NADK2: variants seen among roughly 807,000 people sequenced by gnomAD.
NADK2 encodes the protein NAD kinase 2, mitochondrial, also known as NAD kinase domain-containing protein 1, mitochondrial.
A neutral mutation model predicts 62.1 loss-of-function variants in NADK2; 35 were observed. The observed-to-expected ratio is 0.56, with a 90% confidence interval of 0.43 to 0.75. The LOEUF is 0.75. Ranked by LOEUF, NADK2 falls within the 30% of genes least tolerant of loss-of-function variation. NADK2 has a pLI of 0.00. For missense variants in NADK2, 439 were observed against 561.3 expected, an observed-to-expected ratio of 0.78 and a Z score of 2.20; for synonymous variants, 205 against 207.9, an observed-to-expected ratio of 0.99 and a Z score of 0.12.
rs530447755 is a variant in NADK2 at position 36,210,579 on chromosome 5, G to A, written c.860+1265C>T. On this transcript the variant is annotated intron_variant, in intron 7 of 11. Coordinates refer to ENST00000381937, the MANE Select transcript of NADK2 (RefSeq NM_001085411.3). ...AAAATCATACAAATTTAAAATAAGG[G>A]ATATTCTGCAATCCAACTGGCTTAG... Among the ~76,000 whole-genome samples the A allele has an allele frequency of 2.6e-5, 4 of 152,188 alleles. No homozygotes were observed. In the South Asian group the frequency reaches 8.3e-4, roughly 32 times the overall value.
chr5:36,208,978 AGG>A lies in NADK2; in HGVS notation c.861-1715_861-1714del, dbSNP rs199537276. ...TAATAAATACAACCACCTTTCTCAC[AGG>A]CTTGCTATGAGCATTAAATGAGATA... is the stretch of plus-strand genomic sequence containing the variant. On this transcript the variant is annotated intron_variant, in intron 7 of 11. Transcript: ENST00000381937. 8.6e-3 allele frequency among the ~76,000 whole-genome samples: 1,305 copies of A among 152,240 alleles called. 11 individuals are homozygous for A. The highest frequency in any genetic ancestry group is 0.012 in the Non-Finnish European group (805 of 67,988).
chr5:36,227,561 GC>G lies in NADK2; in HGVS notation c.304del (p.Ala102HisfsTer2). On this transcript the variant is annotated frameshift_variant, in exon 2 of 12. Coordinates refer to ENST00000381937, the MANE Select transcript of NADK2 (RefSeq NM_001085411.3). LOFTEE classifies it high-confidence loss of function. ...TCCACTGTAACTAGAGCCTTTCAAT[GC>G]AAGCTATATCAAAACAAAAGAAACG... is the stretch of plus-strand genomic sequence containing the variant. ...LSEEDLKQLLALKGSSYSGLL... is the reference protein window; with the variant it reads ...LSEEDLKQLLXLKGSSYSGLL... The G allele has an allele frequency of 6.6e-7, 1 of 1,526,644 alleles. No homozygotes were observed. The highest frequency in any genetic ancestry group is 8.8e-7 in the Non-Finnish European group (1 of 1,135,056). The allele number at this position is 1,526,644 out of a possible 1,614,324, so 94.6% of individuals were successfully genotyped here.
chr5:36,212,383 A>G (rs959945324), intron 6 of NADK2: 1 of 152,630 alleles, frequency 6.6e-6, no homozygotes, highest in Non-Finnish European at 1.5e-5. Flanking sequence ...GGAAACCTCA[A>G]GAGTGTTTTT....
chr5:36,203,984 G>A (rs1417384587), intron 8 of NADK2, among the ~76,000 whole-genome samples: 1 of 152,092 alleles, frequency 6.6e-6, no homozygotes, highest in East Asian at 1.9e-4. Context: ...ACAGTGAAAA[G>A]GGCACTGATT....
At chr5:36,204,303 A>T (rs1382944194) in intron 8 of NADK2, among the ~76,000 whole-genome samples, 1 of 152,162 alleles carries the variant, frequency 6.6e-6, no homozygotes, top group Non-Finnish European at 1.5e-5. Flanking sequence ...TGCATTTGGC[A>T]GGCAAGGGAA....
intron 6 of NADK2, among the ~76,000 whole-genome samples, chr5:36,216,449 T>A (rs1463811538): frequency 6.6e-6 from 1 of 152,310 alleles, no homozygotes; most frequent in East Asian, 1.9e-4. Flanking sequence ...TATTTTGTTT[T>A]TGTTGCCTGT....
chr5:36,195,255 A>T lies in NADK2; in HGVS notation c.1218T>A (p.Asp406Glu). The change falls in exon 12 of 12, where the codon GAT becomes GAA. Residue 406 changes from aspartate to glutamate, a missense_variant. Asp to Glu is a conservative substitution (Grantham distance 45, BLOSUM62 2). Coordinates refer to ENST00000381937, the MANE Select transcript of NADK2 (RefSeq NM_001085411.3). ...TTCCTCCATCCACAACCATACAGGCATCCCAACAACGAGAACGAACACAAA... is the reference window on the plus strand; with the variant it reads ...TTCCTCCATCCACAACCATACAGGCTTCCCAACAACGAGAACGAACACAAA... ...SKVCVRSRCW[D>E]ACMVVDGGTS... is the part of the protein sequence containing the mutation. 6.2e-7 allele frequency: 1 copy of T among 1,611,746 alleles called. No homozygotes were observed. The highest frequency in any genetic ancestry group is 8.5e-7 in the Non-Finnish European group (1 of 1,179,122).
At chr5:36,212,266 A>G (rs1746878198) in intron 6 of NADK2, 1 of 160,766 alleles carries the variant, frequency 6.2e-6, no homozygotes, top group African/African-American at 2.4e-5. Context: ...TAACTTACCA[A>G]TTAAAAAGAG....
intron 1 of NADK2, among the ~76,000 whole-genome samples, chr5:36,229,851 C>A (rs192955447): frequency 1.3e-5 from 2 of 150,338 alleles, no homozygotes; most frequent in East Asian, 4.2e-4. Flanking sequence ...TGTTCAATAT[C>A]TAGCCCTTGA....
In NADK2 at chr5:36,194,093, A is replaced by T. The variant is rs1016699767; in HGVS notation, c.*1051T>A. ...TAAGTAGATCAATAATTAGATAATAATTTCCTCCAAAAATAAAGGAATTCT... is the reference window on the plus strand; with the variant it reads ...TAAGTAGATCAATAATTAGATAATATTTTCCTCCAAAAATAAAGGAATTCT... On this transcript the variant is annotated 3_prime_UTR_variant, in exon 12 of 12. Transcript: ENST00000381937. 1 of 152,148 alleles carries T rather than the reference A, an allele frequency of 6.6e-6. No individual in the cohort carries two copies. The highest frequency in any genetic ancestry group is 2.4e-5 in the African/African-American group (1 of 41,430). 9.4% of individuals were successfully genotyped at this position (152,148 alleles called of 1,614,324 possible).
At chr5:36,226,977 T>A (rs994099470) in intron 2 of NADK2, among the ~76,000 whole-genome samples, 2 of 152,154 alleles carry the variant, frequency 1.3e-5, no homozygotes, top group African/African-American at 4.8e-5. Flanking sequence ...ATCCAACAAA[T>A]ATTCATTGAG....
At position 36,241,376 on chromosome 5, in the gene NADK2, G is replaced by A. The variant is rs1396788673; in HGVS notation, c.300+123C>T. 2 of 1,349,546 alleles carry A rather than the reference G, an allele frequency of 1.5e-6. No homozygotes were observed. Among genetic ancestry groups the A allele is most frequent in the Non-Finnish European group, 1.9e-6 (2 of 1,052,778 alleles). The allele number at this position is 1,349,546 out of a possible 1,614,324, so 83.6% of individuals were successfully genotyped here. On this transcript the variant is annotated intron_variant, in intron 1 of 11. Transcript: ENST00000381937. This position sits in a 1 kb window ranked among gnomAD's most constrained non-coding sequence, Gnocchi z 4.9. ...CAGAGGACCTGGGGGCCGCGAGAGAGGCAGGACCGGCATCTGCGGTGCCCT... is the reference window on the plus strand; with the variant it reads ...CAGAGGACCTGGGGGCCGCGAGAGAAGCAGGACCGGCATCTGCGGTGCCCT...
chr5:36,202,747 C>T (rs1380571021), intron 8 of NADK2, among the ~76,000 whole-genome samples: 1 of 152,110 alleles, frequency 6.6e-6, no homozygotes, highest in African/African-American at 2.4e-5. Context: ...TGTAGCACAG[C>T]AACCGGAGGA....
chr5:36,230,641 C>T lies in NADK2; in HGVS notation c.301-3076G>A, dbSNP rs1365440564. Among the ~76,000 whole-genome samples the T allele has an allele frequency of 2.6e-5, 4 of 152,312 alleles. No individual in the cohort carries two copies. In the South Asian group the frequency reaches 8.3e-4, roughly 32 times the overall value. On this transcript the variant is annotated intron_variant, in intron 1 of 11. Transcript: ENST00000381937. ...AAGAATAGTGCAGAAGCAGATGCTA[C>T]AGAAGATAACCCAGAAAGTGACAAC...
intron 6 of NADK2, among the ~76,000 whole-genome samples, chr5:36,214,370 A>G (rs993321398): frequency 6.6e-6 from 1 of 152,000 alleles, no homozygotes; most frequent in Non-Finnish European, 1.5e-5. Context: ...AGTAGAGACG[A>G]GGTTTTACCA....
At chr5:36,207,376 C>A in intron 7 of NADK2, 111 bp from the exon 8 acceptor site, 2 of 717,836 alleles carry the variant, frequency 2.8e-6, no homozygotes, top group Non-Finnish European at 4.7e-6. Flanking sequence ...CCAAGAAATA[C>A]TTGACTTAGT....
At chr5:36,210,731 A>G (rs981541173) in intron 7 of NADK2, among the ~76,000 whole-genome samples, 20 of 152,270 alleles carry the variant, frequency 1.3e-4, no homozygotes, top group Admixed American at 7.2e-4. Context: ...GTTAAAAACA[A>G]GTAAACAAAT....
upstream of NADK2, chr5:36,242,274 G>C (rs887045284): frequency 1.3e-5 from 2 of 152,308 alleles, no homozygotes; most frequent in Admixed American, 6.5e-5. Flanking sequence ...AATTCTGTTA[G>C]GCGATTGCGT....
chr5:36,201,944 T>A lies in NADK2; in HGVS notation c.957-783A>T, dbSNP rs56873304. 9.8e-4 allele frequency among the ~76,000 whole-genome samples: 149 copies of A among 152,124 alleles called. 1 individual carries two copies. The highest frequency in any genetic ancestry group is 8.1e-3 in the East Asian group (42 of 5,174). On this transcript the variant is annotated intron_variant, in intron 8 of 11. Coordinates refer to ENST00000381937, the MANE Select transcript of NADK2 (RefSeq NM_001085411.3). Reference sequence around the variant, plus strand: ...GATCACTAAGAAAAGGTTGTTTTTTTAAAAAAATATATTCCCAGTAATTTT... The same window carrying A: ...GATCACTAAGAAAAGGTTGTTTTTTAAAAAAAATATATTCCCAGTAATTTT...
Sources: allele counts gnomAD v4.1 joint callset (sites outside exome capture counted in the v4.1 genomes callset), GRCh38; gene constraint gnomAD v4.1.1; non-coding constraint Gnocchi (gnomAD v3.1); transcripts MANE v1.5; gene names NCBI Gene and HGNC (gene_info 2026-07-23, HGNC 2026-07-21).